Variants in ANTXR2 observed in about 807,000 individuals in gnomAD.
The protein encoded by ANTXR2 is ANTXR cell adhesion molecule 2, also known as anthrax toxin receptor 2.
ANTXR2 carries 44 observed loss-of-function variants against 73.7 expected under a neutral mutation model. The ratio of observed to expected loss-of-function variants is 0.60; its 90% CI spans 0.47 to 0.77. The LOEUF (loss-of-function observed/expected upper bound fraction) is 0.77. Ranked by LOEUF, ANTXR2 falls within the 30% of genes least tolerant of loss-of-function variation. The pLI is 0.00. For missense variants in ANTXR2, 604 were observed against 592.5 expected, an observed-to-expected ratio of 1.02 and a Z score of -0.20; for synonymous variants, 217 against 205.9, an observed-to-expected ratio of 1.05 and a Z score of -0.46.
chr4:79,928,180 A>G (rs1043447879), intron 16 of ANTXR2, among the ~76,000 whole-genome samples: 2 of 152,248 alleles, frequency 1.3e-5, no homozygotes, highest in Admixed American at 1.3e-4. Flanking sequence ...TCAGTCTGAA[A>G]AAGAAACGAA....
At chr4:79,934,929 A>G (rs892034723) in intron 16 of ANTXR2, among the ~76,000 whole-genome samples, 2 of 152,128 alleles carry the variant, frequency 1.3e-5, no homozygotes, top group Non-Finnish European at 2.9e-5. Flanking sequence ...GCTTTCAGGA[A>G]CTGACTTTGG....
intron 16 of ANTXR2, among the ~76,000 whole-genome samples, chr4:79,949,507 A>G (rs1374231456): frequency 1.3e-5 from 2 of 152,170 alleles, no homozygotes; most frequent in Non-Finnish European, 2.9e-5. Context: ...AGTACAAATG[A>G]TAAGTATTGC....
At chr4:79,924,660 AAC>A (rs1727714420) in intron 16 of ANTXR2, among the ~76,000 whole-genome samples, 1 of 152,148 alleles carries the variant, frequency 6.6e-6, no homozygotes, top group Admixed American at 6.6e-5. Flanking sequence ...GCAGGACTAG[AAC>A]ACAGAGATTT....
intron 16 of ANTXR2, among the ~76,000 whole-genome samples, chr4:79,927,036 T>C (rs1381699965): frequency 8.7e-6 from 1 of 115,284 alleles, no homozygotes; most frequent in Non-Finnish European, 1.9e-5. Flanking sequence ...TATATATGTG[T>C]GTATATATAT....
chr4:80,010,426 G>A (rs1731515861), intron 11 of ANTXR2, among the ~76,000 whole-genome samples: 1 of 152,128 alleles, frequency 6.6e-6, no homozygotes, highest in Non-Finnish European at 1.5e-5. Context: ...ATGTACAGAA[G>A]GAATACATTT....
intron 16 of ANTXR2, among the ~76,000 whole-genome samples, chr4:79,933,635 TG>T (rs1286114942): frequency 6.6e-6 from 1 of 152,072 alleles, no homozygotes; most frequent in Admixed American, 6.5e-5. Flanking sequence ...TGTGCCATGT[TG>T]GTGTGCTGCA....
At chr4:80,043,023 T>C (rs1205144577) in intron 7 of ANTXR2, among the ~76,000 whole-genome samples, 1 of 151,970 alleles carries the variant, frequency 6.6e-6, no homozygotes, top group Admixed American at 6.6e-5. Context: ...CTTGTGCTGA[T>C]AGTCTGCTAA....
intron 2 of ANTXR2, 51 bp from the exon 3 acceptor site, chr4:80,069,558 A>G: frequency 1.4e-6 from 2 of 1,380,212 alleles, no homozygotes; most frequent in Non-Finnish European, 2.0e-6. Flanking sequence ...AGAAATATTG[A>G]TACGATACAG....
intron 16 of ANTXR2, among the ~76,000 whole-genome samples, chr4:79,907,681 T>C (rs906546163): frequency 1.3e-5 from 2 of 152,172 alleles, no homozygotes; most frequent in Non-Finnish European, 2.9e-5. Context: ...GATGGTATGG[T>C]ATAATTAATA....
At position 79,971,711 on chromosome 4, in the gene ANTXR2, G is replaced by T. The variant is rs1186566165; in HGVS notation, c.1428+5910C>A. Among the ~76,000 whole-genome samples the T allele has an allele frequency of 7.3e-5, 3 of 40,898 alleles. 1 individual carries two copies. Among genetic ancestry groups the T allele is most frequent in the African/African-American group, 2.6e-4 (3 of 11,698 alleles). 26.8% of individuals were successfully genotyped at this position (40,898 alleles called of 152,430 possible). A position where few individuals can be genotyped will look rare whatever the true frequency, so the allele number is the denominator to read the frequency against. Reference sequence around the variant, plus strand: ...TAAATGGTGCTGGGAAAACTGGCTAGCCATATGTAGAAAGCTGAAACTGGA... The same window carrying T: ...TAAATGGTGCTGGGAAAACTGGCTATCCATATGTAGAAAGCTGAAACTGGA... On this transcript the variant is annotated intron_variant, in intron 16 of 16. Transcript: ENST00000403729.
At chr4:80,040,125 G>A (rs568771029) in intron 7 of ANTXR2, among the ~76,000 whole-genome samples, 11 of 151,880 alleles carry the variant, frequency 7.2e-5, no homozygotes, top group African/African-American at 2.7e-4. Flanking sequence ...GATAGGGGAG[G>A]AAGGAAGAGA....
At chr4:80,023,491 C>A (rs1227857743) in intron 10 of ANTXR2, among the ~76,000 whole-genome samples, 4 of 152,098 alleles carry the variant, frequency 2.6e-5, no homozygotes, top group South Asian at 2.1e-4. Flanking sequence ...ACAAATAATA[C>A]AAATTACAAT....
In ANTXR2 at chr4:79,978,148, A is replaced by G. The variant is rs1469061631; in HGVS notation, c.1206T>C (p.Thr402=). ...CTTTCTCTAGCCTTGCACCTTCCTC[A>G]GTAGATCCTTTATCACCCCAACGAA... ...MEVRWGDKGS[T]EEGARLEKAK... The change falls in exon 15 of 17, where the codon ACT becomes ACC. Residue 402 remains threonine, a synonymous_variant. Coordinates refer to ENST00000403729, the MANE Select transcript of ANTXR2 (RefSeq NM_058172.6). 1.2e-5 allele frequency: 19 copies of G among 1,613,752 alleles called. No homozygotes were observed. The highest frequency in any genetic ancestry group is 1.6e-5 in the Non-Finnish European group (19 of 1,179,868).
chr4:79,929,231 G>A (rs755784452), intron 16 of ANTXR2, among the ~76,000 whole-genome samples: 2 of 152,086 alleles, frequency 1.3e-5, no homozygotes, highest in Admixed American at 6.6e-5. Context: ...GGCGTGTTGG[G>A]AGGGCAGGCG....
At chr4:80,026,456 A>T (rs898514398) in intron 10 of ANTXR2, among the ~76,000 whole-genome samples, 1 of 152,162 alleles carries the variant, frequency 6.6e-6, no homozygotes, top group Non-Finnish European at 1.5e-5. Flanking sequence ...GGACTAATAC[A>T]TTTAGTAATA....
chr4:80,010,895 C>A (rs980931816), intron 11 of ANTXR2, among the ~76,000 whole-genome samples: 1 of 152,008 alleles, frequency 6.6e-6, no homozygotes, highest in Non-Finnish European at 1.5e-5. Flanking sequence ...CACCTGTAAT[C>A]GCAGCACTTT....
chr4:80,063,506 G>A (rs1734359177), intron 3 of ANTXR2, among the ~76,000 whole-genome samples: 1 of 151,838 alleles, frequency 6.6e-6, no homozygotes, highest in African/African-American at 2.4e-5. Flanking sequence ...TTAAAATTGT[G>A]AAGGTTTTTT....
At chr4:79,908,243 C>A (rs1726996800) in intron 16 of ANTXR2, among the ~76,000 whole-genome samples, 1 of 152,186 alleles carries the variant, frequency 6.6e-6, no homozygotes, top group African/African-American at 2.4e-5. Flanking sequence ...CCAGATTCCT[C>A]AACCAGCCAA....
chr4:80,038,261 T>C (rs1234973273), intron 7 of ANTXR2, among the ~76,000 whole-genome samples: 1 of 152,136 alleles, frequency 6.6e-6, no homozygotes, highest in African/African-American at 2.4e-5. Context: ...TGACCATAAG[T>C]CAATCAGATT....
Sources: gnomAD v4.1 joint callset for allele counts (sites outside exome capture counted in the v4.1 genomes callset) on GRCh38, gnomAD v4.1.1 for gene constraint, MANE v1.5 for transcripts, NCBI Gene and HGNC (gene_info 2026-07-23, HGNC 2026-07-21) for gene names.